The following GON4L variants were observed in gnomAD, a reference collection of about 807,000 sequenced individuals.
GON4L encodes GON-4-like protein.
Under a neutral mutation model 211.8 loss-of-function variants are expected in GON4L, and 87 were observed. The observed-to-expected ratio is 0.41, with a 90% CI of 0.35 to 0.49. GON4L has a LOEUF of 0.49. GON4L is among the 20% of genes least tolerant of loss of function. The pLI is 0.15. For synonymous variants in GON4L, 875 were observed against 962.6 expected (o/e 0.91, Z 1.68); for missense variants, 2,155 against 2,659.5 (o/e 0.81, Z 4.17).
At position 155,832,255 on chromosome 1, in the gene GON4L, G is replaced by A. The variant is rs1178945890; in HGVS notation, c.506-5227C>T. Among the ~76,000 whole-genome samples the A allele has an allele frequency of 1.8e-4, 19 of 107,922 alleles. 1 individual carries two copies. The highest frequency in any genetic ancestry group is 1.6e-4 in the Non-Finnish European group (9 of 56,810). The allele number at this position is 107,922 out of a possible 152,430, so 70.8% of individuals were successfully genotyped here. ...ACGCCACTACACTCCACTCCAACCT[G>A]GGCAACAAAGCAAGACTCCGTCTCA... On this transcript the variant is annotated intron_variant, in intron 2 of 31. Transcript: ENST00000368331.
chr1:155,799,798 A>G (rs1666455067), intron 11 of GON4L, among the ~76,000 whole-genome samples: 1 of 152,196 alleles, frequency 6.6e-6, no homozygotes, highest in African/African-American at 2.4e-5. Flanking sequence ...CCTTTGAACC[A>G]AAGTGATGAA....
intron 29 of GON4L, 41 bp downstream of exon 29, chr1:155,753,163 G>A (rs571642126): frequency 1.2e-5 from 17 of 1,455,582 alleles, no homozygotes; most frequent in East Asian, 1.2e-4. Flanking sequence ...ACAGGATAAC[G>A]AGACTGAGGA....
At chr1:155,792,317 C>G (rs749061441) in intron 12 of GON4L, among the ~76,000 whole-genome samples, 1 of 151,970 alleles carries the variant, frequency 6.6e-6, no homozygotes. Flanking sequence ...CAATGAGACA[C>G]AAGAGGACAA....
At chr1:155,773,324 C>G (rs949031980) in intron 17 of GON4L, 114 bp from the exon 18 acceptor site, 4 of 1,179,540 alleles carry the variant, frequency 3.4e-6, no homozygotes, top group African/African-American at 1.5e-5. Flanking sequence ...TAACTTGATT[C>G]CCTCCCATCT....
chr1:155,767,530 C>G lies in GON4L; in HGVS notation c.2658G>C (p.Lys886Asn), dbSNP rs757833387. ...APDNIIKFYKKTKQLPVLGKC... is the reference protein window; with the variant it reads ...APDNIIKFYKNTKQLPVLGKC... ...TTCCTAGGACTGGCAGCTGTTTGGT[C>G]TTCTTATAAAACTTAACATGAAAAA... The change falls in exon 20 of 32, where the codon AAG (lysine) becomes AAC (asparagine). Residue 886 changes from lysine (K) to asparagine (N), a missense_variant. This residue lies in a region of GON4L where 551 missense variants were observed against 854.0 expected (regional missense o/e 0.65). Transcript: ENST00000368331. The G allele has an allele frequency of 1.2e-5, 20 of 1,609,584 alleles. No homozygotes were observed. The highest frequency in any genetic ancestry group is 1.7e-5 in the Non-Finnish European group (20 of 1,176,674).
chr1:155,745,800 G>A (rs559572387), downstream of GON4L: 192 of 605,188 alleles, frequency 3.2e-4, no homozygotes, highest in African/African-American at 3.2e-3. Context: ...GCGCGGCTGA[G>A]GCGCGGCGGC....
rs377301037 is a variant in GON4L, at chr1:155,766,570, C to T, written c.2903G>A (p.Arg968Gln). 6.1e-5 allele frequency: 98 copies of T among 1,613,960 alleles called. No homozygotes were observed. Among genetic ancestry groups the T allele is most frequent in the South Asian group, 1.3e-4 (12 of 91,068 alleles). Residue 968 changes from arginine (R) to glutamine (Q), a missense_variant, in exon 21 of 32, where the codon CGG becomes CAG. By Grantham distance (43) the Arg-to-Gln change is conservative. Transcript: ENST00000368331. ...ACCCTTAGGCAATAGCAGTGGGTAC[C>T]GAGATTCACTCCCCAACTCCAAATT... ...KDNLELGSES[R>Q]YPLLLPKGVV...
chr1:155,779,083 T>A (rs1457892055), intron 14 of GON4L, among the ~76,000 whole-genome samples: 1 of 151,162 alleles, frequency 6.6e-6, no homozygotes, highest in Non-Finnish European at 1.5e-5. Flanking sequence ...TGAAACCCCG[T>A]CTCTACTGAA....
intron 11 of GON4L, among the ~76,000 whole-genome samples, chr1:155,799,939 G>A (rs935748790): frequency 1.3e-5 from 2 of 152,222 alleles, no homozygotes; most frequent in African/African-American, 2.4e-5. Context: ...AGTGGCTCAT[G>A]CCTGTAGTCC....
chr1:155,849,273 C>T (rs1041608871), intron 2 of GON4L, among the ~76,000 whole-genome samples: 2 of 150,268 alleles, frequency 1.3e-5, no homozygotes, highest in Non-Finnish European at 3.0e-5. Context: ...GGGCTGGGCA[C>T]GGTGGCTCAC....
At chr1:155,831,063 C>T (rs1669712683) in intron 2 of GON4L, among the ~76,000 whole-genome samples, 1 of 152,106 alleles carries the variant, frequency 6.6e-6, no homozygotes, top group Admixed American at 6.6e-5. Flanking sequence ...CTTTGGGAGG[C>T]TGAGGTGGAC....
At chr1:155,812,042 C>A (rs1667841183) in intron 10 of GON4L, among the ~76,000 whole-genome samples, 1 of 151,840 alleles carries the variant, frequency 6.6e-6, no homozygotes, top group South Asian at 2.1e-4. Flanking sequence ...GAGAGTGAGA[C>A]TCCATCTAGG....
At chr1:155,797,999 T>C (rs1446909469) in intron 11 of GON4L, among the ~76,000 whole-genome samples, 17 of 151,626 alleles carry the variant, frequency 1.1e-4, no homozygotes, top group Non-Finnish European at 5.9e-5. Flanking sequence ...AAGGACTGCT[T>C]GAGCCCAGGA....
chr1:155,756,126 T>C (rs1661156339), intron 27 of GON4L, among the ~76,000 whole-genome samples: 1 of 152,182 alleles, frequency 6.6e-6, no homozygotes, highest in Non-Finnish European at 1.5e-5. Flanking sequence ...TTATGTCTTC[T>C]GTAAAATGCA....
intron 2 of GON4L, among the ~76,000 whole-genome samples, chr1:155,848,474 G>T (rs1051287877): frequency 6.6e-6 from 1 of 152,058 alleles, no homozygotes; most frequent in Middle Eastern, 3.2e-3. Context: ...AAGCTTCAAG[G>T]CTCTCCATAA....
At chr1:155,803,551 C>T (rs974448352) in intron 11 of GON4L, among the ~76,000 whole-genome samples, 1 of 152,130 alleles carries the variant, frequency 6.6e-6, no homozygotes, top group Non-Finnish European at 1.5e-5. Context: ...CCTACTTAGT[C>T]TGTTTCCATC....
In GON4L at chr1:155,766,231, G is replaced by A. The variant is rs752747157; in HGVS notation, c.3242C>T (p.Thr1081Ile). The change falls in exon 21 of 32, where the codon ACA (threonine) becomes ATA (isoleucine). Residue 1081 changes from threonine to isoleucine, a missense_variant. Physicochemically the swap from Thr to Ile is moderately conservative, Grantham distance 89. This residue lies in a region of GON4L where 615 missense variants were observed against 625.7 expected (regional missense o/e 0.98). Coordinates refer to ENST00000368331, the MANE Select transcript of GON4L (RefSeq NM_001282860.2). ...ALPAVPPEAR[T>I]SFPLSESQTL... ...CTGGGACTCAGACAGAGGGAAGCTT[G>A]TCCTGGCCTCAGGGGGCACAGCAGG... 6.2e-7 allele frequency: 1 copy of A among 1,614,152 alleles called. No homozygotes were observed. The highest frequency in any genetic ancestry group is 8.5e-7 in the Non-Finnish European group (1 of 1,180,032).
At chr1:155,842,398 C>A (rs1346029546) in intron 2 of GON4L, among the ~76,000 whole-genome samples, 1 of 151,782 alleles carries the variant, frequency 6.6e-6, no homozygotes, top group Non-Finnish European at 1.5e-5. Context: ...GTGGCAGGCA[C>A]CTGTAGTCCC....
intron 2 of GON4L, chr1:155,845,381 G>T: frequency 1.1e-5 from 3 of 271,194 alleles, no homozygotes; most frequent in South Asian, 7.6e-5. Flanking sequence ...CATGAGGCTG[G>T]ACCTGGTGGT....
Sources: allele counts gnomAD v4.1 joint callset (sites outside exome capture counted in the v4.1 genomes callset), GRCh38; gene constraint gnomAD v4.1.1; regional missense constraint gnomAD v4.1.1; transcripts MANE v1.5; gene names NCBI Gene and HGNC (gene_info 2026-07-23, HGNC 2026-07-21).